CAMTA1: variants seen among roughly 807,000 people sequenced by gnomAD.
The protein encoded by CAMTA1 is calmodulin binding transcription activator 1.
A neutral mutation model predicts 170.9 loss-of-function variants in CAMTA1; 27 were observed. That is an observed-to-expected ratio of 0.16 (90% confidence interval 0.12 to 0.22). The LOEUF (loss-of-function observed/expected upper bound fraction) is 0.22, where lower values mean the gene tolerates loss of function less well. CAMTA1 is among the 10% of genes least tolerant of loss of function. The probability of loss-of-function intolerance (pLI) is 1.00; values close to 1 mark genes in which losing one functional copy is unlikely to be tolerated. For synonymous variants in CAMTA1, 833 were observed against 891.5 expected (o/e 0.93, Z 1.17); for missense variants, 1,619 against 2,217.2 (o/e 0.73, Z 5.42).
intron 3 of CAMTA1, among the ~76,000 whole-genome samples, chr1:6,959,553 A>G (rs12410166): frequency 0.069 from 10,551 of 152,272 alleles, 592 homozygotes; most frequent in East Asian, 0.26. Flanking sequence ...CTCAGGCTGC[A>G]AAAGAGGTCA....
intron 4 of CAMTA1, among the ~76,000 whole-genome samples, chr1:7,155,152 C>T (rs535100726): frequency 3.3e-5 from 5 of 152,164 alleles, no homozygotes; most frequent in East Asian, 1.9e-4. Flanking sequence ...AAGCCTGTGC[C>T]GGGGCAGCAG....
At chr1:7,323,507 C>CTTTTTTTTTTTTTTTTTTTTT (rs56382342) in intron 5 of CAMTA1, among the ~76,000 whole-genome samples, 6 of 108,984 alleles carry the variant, frequency 5.5e-5, no homozygotes, top group Non-Finnish European at 3.5e-5. Context: ...CTTTATTCTT[C>CTTTTTTTTTTTTTTTTTTTTT]TTTTTTTTTT....
chr1:7,057,274 C>G (rs1215452979), intron 3 of CAMTA1, among the ~76,000 whole-genome samples: 1 of 152,202 alleles, frequency 6.6e-6, no homozygotes, highest in East Asian at 1.9e-4. Context: ...AGCTCCCGTC[C>G]CGGTTCCCCT....
intron 3 of CAMTA1, among the ~76,000 whole-genome samples, chr1:6,883,899 T>G (rs777435200): frequency 7.9e-5 from 12 of 152,204 alleles, no homozygotes; most frequent in Non-Finnish European, 1.6e-4. Context: ...CCAGTAAGTC[T>G]ACATTACATG....
At chr1:7,531,513 G>A (rs12723779) in intron 6 of CAMTA1, among the ~76,000 whole-genome samples, 14,892 of 152,222 alleles carry the variant, frequency 0.098, 951 homozygotes, top group South Asian at 0.14. Flanking sequence ...CCCAGACTCC[G>A]GGAGAGGAAC....
chr1:7,752,165 A>G (rs927250397), intron 20 of CAMTA1, among the ~76,000 whole-genome samples: 41 of 152,230 alleles, frequency 2.7e-4, no homozygotes, highest in African/African-American at 8.9e-4. Flanking sequence ...ATGAGCTTAT[A>G]ATGAATTGTG....
At chr1:7,638,919 A>T (rs773464245) in intron 6 of CAMTA1, among the ~76,000 whole-genome samples, 8 of 152,168 alleles carry the variant, frequency 5.3e-5, no homozygotes, top group Admixed American at 3.3e-4. Context: ...GACAGAGGAC[A>T]TTCTTAATAA....
In CAMTA1 at chr1:7,330,433, C is replaced by T. The variant is rs1385167805; in HGVS notation, c.438+80807C>T. Among the ~76,000 whole-genome samples, 4 of 152,292 alleles carry T rather than the reference C, an allele frequency of 2.6e-5. No individual in the cohort carries two copies. The East Asian group carries it at 7.7e-4, about 29-fold the overall frequency. ...CTACCCGGAGCTCCCCTAGCATCCTCCTCCTTGGCTGGGAAATGGAGTGTA... is the reference window on the plus strand; with the variant it reads ...CTACCCGGAGCTCCCCTAGCATCCTTCTCCTTGGCTGGGAAATGGAGTGTA... On this transcript the variant is annotated intron_variant, in intron 5 of 22. Transcript: ENST00000303635.
intron 6 of CAMTA1, among the ~76,000 whole-genome samples, chr1:7,559,295 G>A (rs796556154): frequency 3.5e-4 from 54 of 152,224 alleles, no homozygotes; most frequent in African/African-American, 1.3e-3. Flanking sequence ...AAGGGCACAC[G>A]GCCCTCCTGC....
intron 22 of CAMTA1, among the ~76,000 whole-genome samples, chr1:7,761,583 AAGTTCTAT>A (rs915822014): frequency 1.3e-5 from 2 of 152,208 alleles, no homozygotes; most frequent in Non-Finnish European, 2.9e-5. Flanking sequence ...CCTGTGTTCC[AAGTTCTAT>A]AGATATGGTG....
In CAMTA1 at chr1:6,918,382, C is replaced by T. The variant is rs1173123317; in HGVS notation, c.234+93172C>T. On this transcript the variant is annotated intron_variant, in intron 3 of 22. Transcript: ENST00000303635. This position sits in a 1 kb window ranked among gnomAD's most constrained non-coding sequence, Gnocchi z 4.0. ...GAGTTTGGGTAATCTATGCAAAGGC[C>T]CCTCAGCTGCCCTGCATCCATCATC... 6.6e-6 allele frequency among the ~76,000 whole-genome samples: 1 copy of T among 152,096 alleles called. No homozygotes were observed. The highest frequency in any genetic ancestry group is 1.5e-5 in the Non-Finnish European group (1 of 68,018).
chr1:7,357,163 G>A (rs2085180453), intron 5 of CAMTA1, among the ~76,000 whole-genome samples: 1 of 152,254 alleles, frequency 6.6e-6, no homozygotes. Flanking sequence ...GCCCTGCGAT[G>A]TCATCCAGTC....
At chr1:7,486,491 T>A (rs2093619111) in intron 6 of CAMTA1, among the ~76,000 whole-genome samples, 1 of 152,168 alleles carries the variant, frequency 6.6e-6, no homozygotes, top group African/African-American at 2.4e-5. Context: ...CCTTAAGGAA[T>A]GAAAGGCAGG....
At chr1:7,285,769 G>A (rs928784932) in intron 5 of CAMTA1, among the ~76,000 whole-genome samples, 2 of 152,034 alleles carry the variant, frequency 1.3e-5, no homozygotes, top group Admixed American at 6.5e-5. Context: ...TGAAAGTAGG[G>A]CCCCTGAGCC....
intron 6 of CAMTA1, among the ~76,000 whole-genome samples, chr1:7,469,249 C>A (rs1472718005): frequency 6.6e-6 from 1 of 152,160 alleles, no homozygotes; most frequent in Non-Finnish European, 1.5e-5. Context: ...TTGCTCAGAC[C>A]TGTGTGCTTG....
At chr1:7,008,095 T>C (rs990501357) in intron 3 of CAMTA1, among the ~76,000 whole-genome samples, 9 of 152,102 alleles carry the variant, frequency 5.9e-5, no homozygotes, top group African/African-American at 2.2e-4. Context: ...GAGGGCTGAC[T>C]TCATGGCCAG....
chr1:7,126,471 G>A lies in CAMTA1; in HGVS notation c.302+35100G>A, dbSNP rs111694005. 6.2e-3 allele frequency among the ~76,000 whole-genome samples: 939 copies of A among 152,224 alleles called. 10 individuals are homozygous for A. Among genetic ancestry groups the A allele is most frequent in the African/African-American group, 0.021 (868 of 41,514 alleles). ...TTTGTGATCTGCCAGGCTCTTTCCT[G>A]GATAGAATGATAAGATATCAATTGG... On this transcript the variant is annotated intron_variant, in intron 4 of 22. Coordinates refer to ENST00000303635, the MANE Select transcript of CAMTA1 (RefSeq NM_015215.4).
intron 5 of CAMTA1, among the ~76,000 whole-genome samples, chr1:7,401,286 G>A (rs1467091936): frequency 6.6e-6 from 1 of 152,048 alleles, no homozygotes; most frequent in East Asian, 1.9e-4. Context: ...CCATTGAATT[G>A]CCTTTGCACT....
chr1:7,029,630 A>C (rs1383527097), intron 3 of CAMTA1, among the ~76,000 whole-genome samples: 1 of 151,864 alleles, frequency 6.6e-6, no homozygotes, highest in Non-Finnish European at 1.5e-5. Flanking sequence ...TGCATAGACT[A>C]TGAGCAACTC....
Sources: allele counts gnomAD v4.1 joint callset (sites outside exome capture counted in the v4.1 genomes callset), GRCh38; gene constraint gnomAD v4.1.1; non-coding constraint Gnocchi (gnomAD v3.1); transcripts MANE v1.5; gene names NCBI Gene and HGNC (gene_info 2026-07-23, HGNC 2026-07-21).